Variants in HS3ST4 observed in about 807,000 individuals in gnomAD.
The protein encoded by HS3ST4 is heparan sulfate-glucosamine 3-sulfotransferase 4.
In HS3ST4, 17 loss-of-function variants were observed where a neutral mutation model predicts 29.2. That is an observed-to-expected ratio of 0.58 (90% confidence interval 0.40 to 0.87). The LOEUF (loss-of-function observed/expected upper bound fraction) is 0.87, where lower values mean the gene tolerates loss of function less well. HS3ST4 is among the 40% of genes least tolerant of loss of function. The pLI, the probability that HS3ST4 is intolerant of heterozygous loss-of-function variation, is 0.00. For missense variants in HS3ST4, 627 were observed against 634.5 expected, an observed-to-expected ratio of 0.99 and a Z score of 0.13; for synonymous variants, 314 against 285.7, an observed-to-expected ratio of 1.10 and a Z score of -1.00.
intron 1 of HS3ST4, among the ~76,000 whole-genome samples, chr16:26,042,804 G>C (rs184271023): frequency 6.6e-6 from 1 of 152,196 alleles, no homozygotes; most frequent in Admixed American, 6.5e-5. Context: ...CCTCAGGAAT[G>C]ACTCTTCTCT....
At chr16:25,737,988 T>G (rs2141596396) in intron 1 of HS3ST4, among the ~76,000 whole-genome samples, 1 of 147,526 alleles carries the variant, frequency 6.8e-6, no homozygotes, top group African/African-American at 2.5e-5. Context: ...CACTGCAACC[T>G]CCGCCTCCTG....
intron 1 of HS3ST4, among the ~76,000 whole-genome samples, chr16:26,020,276 T>C (rs138945438): frequency 1.3e-5 from 2 of 152,262 alleles, no homozygotes; most frequent in East Asian, 3.9e-4. Flanking sequence ...AAGGTAAATG[T>C]GCAAAAAGGA....
At chr16:25,885,544 G>T (rs1967940437) in intron 1 of HS3ST4, among the ~76,000 whole-genome samples, 1 of 152,070 alleles carries the variant, frequency 6.6e-6, no homozygotes, top group Non-Finnish European at 1.5e-5. Context: ...GGGTCTTAAG[G>T]TATAGCTACT....
intron 1 of HS3ST4, among the ~76,000 whole-genome samples, chr16:26,105,765 G>T (rs866363958): frequency 3.3e-5 from 5 of 152,244 alleles, no homozygotes; most frequent in Non-Finnish European, 7.3e-5. Flanking sequence ...CCCCCATGGG[G>T]CTTGCTTTCT....
chr16:25,952,437 G>A lies in HS3ST4; in HGVS notation c.735-183175G>A, dbSNP rs547736111. Among the ~76,000 whole-genome samples the A allele has an allele frequency of 6.6e-5, 10 of 152,238 alleles. No homozygotes were observed. The East Asian group carries it at 1.9e-3, about 29-fold the overall frequency. On this transcript the variant is annotated intron_variant, in intron 1 of 1. Coordinates refer to ENST00000331351, the MANE Select transcript of HS3ST4 (RefSeq NM_006040.3). ...GCCACAGGTAGGCAACTCCATCAGG[G>A]GGATTCAAGCATCTGATTGGACAAG... is the stretch of plus-strand genomic sequence containing the variant.
At chr16:26,052,363 C>A (rs1256041709) in intron 1 of HS3ST4, among the ~76,000 whole-genome samples, 1 of 152,044 alleles carries the variant, frequency 6.6e-6, no homozygotes, top group Non-Finnish European at 1.5e-5. Context: ...ATTCTTATTA[C>A]TTCTTAATTA....
In HS3ST4 at chr16:26,116,434, T is replaced by C. The variant is rs142742782; in HGVS notation, c.735-19178T>C. On this transcript the variant is annotated intron_variant, in intron 1 of 1. Transcript: ENST00000331351. ...GGGAGAAGGTTATGCAAGGACATAG[T>C]ACCAGGAGGTGGGGAGTCATATTAG... Among the ~76,000 whole-genome samples, 3 of 152,322 alleles carry C rather than the reference T, an allele frequency of 2.0e-5. No individual in the cohort carries two copies. In the East Asian group the frequency reaches 5.8e-4, roughly 29 times the overall value.
chr16:25,810,570 T>C (rs1356232777), intron 1 of HS3ST4, among the ~76,000 whole-genome samples: 1 of 152,202 alleles, frequency 6.6e-6, no homozygotes, highest in Non-Finnish European at 1.5e-5. Flanking sequence ...CCCCAGTTTC[T>C]CCTTTCAGCA....
At chr16:25,876,742 G>C (rs1334651459) in intron 1 of HS3ST4, among the ~76,000 whole-genome samples, 1 of 152,020 alleles carries the variant, frequency 6.6e-6, no homozygotes, top group African/African-American at 2.4e-5. Context: ...TGAACCCTGG[G>C]CTGGAGACTA....
chr16:25,775,291 C>T (rs1359662707), intron 1 of HS3ST4, among the ~76,000 whole-genome samples: 2 of 152,170 alleles, frequency 1.3e-5, no homozygotes, highest in Non-Finnish European at 2.9e-5. Flanking sequence ...GCAGGATGAG[C>T]AGCTGTTGCC....
chr16:25,880,195 G>A (rs890022613), intron 1 of HS3ST4, among the ~76,000 whole-genome samples: 2 of 152,104 alleles, frequency 1.3e-5, no homozygotes, highest in Non-Finnish European at 2.9e-5. Context: ...CTTTATATTA[G>A]TCAGTAGGTT....
chr16:25,692,514 C>T lies in HS3ST4; in HGVS notation c.97C>T (p.Arg33Cys). 1 of 1,423,084 alleles carries T rather than the reference C, an allele frequency of 7.0e-7. No individual in the cohort carries two copies. Among genetic ancestry groups the T allele is most frequent in the Non-Finnish European group, 9.3e-7 (1 of 1,076,278 alleles). The allele number at this position is 1,423,084 out of a possible 1,614,324, so 88.2% of individuals were successfully genotyped here. Residue 33 changes from arginine (R) to cysteine (C), a missense_variant, in exon 1 of 2, where the codon CGC (arginine) becomes TGC (cysteine). Around this residue, in one of 2 missense-constraint regions of HS3ST4, gnomAD observed 402 missense variants for 340.8 expected, o/e 1.18. Transcript: ENST00000331351. Reference protein sequence around the residue: ...PGASAKGPPARKLLFMCTLSL... With the variant: ...PGASAKGPPACKLLFMCTLSL... ...CGCCTCTGCTAAGGGGCCGCCGGCG[C>T]GCAAGCTGCTTTTTATGTGCACCTT...
chr16:26,065,580 G>A (rs970127953), intron 1 of HS3ST4, among the ~76,000 whole-genome samples: 4 of 151,882 alleles, frequency 2.6e-5, no homozygotes, highest in African/African-American at 9.7e-5. Flanking sequence ...CATAACACAT[G>A]TTTACCTTTG....
intron 1 of HS3ST4, among the ~76,000 whole-genome samples, chr16:25,785,250 A>G (rs1431983910): frequency 6.6e-6 from 1 of 152,248 alleles, no homozygotes; most frequent in Non-Finnish European, 1.5e-5. Flanking sequence ...ATGTGTGTTA[A>G]CACAATATCC....
At chr16:25,935,887 TCAAAAAAGTATACTG>T (rs1225280936) in intron 1 of HS3ST4, among the ~76,000 whole-genome samples, 1 of 151,826 alleles carries the variant, frequency 6.6e-6, no homozygotes, top group African/African-American at 2.4e-5. Context: ...TTTCTGGGAC[TCAAAAAAGTATACTG>T]AGATACTAGA....
chr16:26,124,430 G>T (rs1899316255), intron 1 of HS3ST4, among the ~76,000 whole-genome samples: 1 of 151,970 alleles, frequency 6.6e-6, no homozygotes, highest in Non-Finnish European at 1.5e-5. Flanking sequence ...ATTGTATATA[G>T]TTCTGATATA....
intron 1 of HS3ST4, among the ~76,000 whole-genome samples, chr16:26,036,020 T>C (rs1969579637): frequency 6.6e-6 from 1 of 152,190 alleles, no homozygotes; most frequent in African/African-American, 2.4e-5. Context: ...AAAGTCTCTC[T>C]CTCCAAGAGA....
At chr16:25,853,067 T>C (rs1183670319) in intron 1 of HS3ST4, among the ~76,000 whole-genome samples, 1 of 152,170 alleles carries the variant, frequency 6.6e-6, no homozygotes, top group African/African-American at 2.4e-5. Flanking sequence ...TAACCTGTTT[T>C]CCCCAGCGTT....
chr16:25,767,946 G>A lies in HS3ST4; in HGVS notation c.734+74795G>A, dbSNP rs1312932165. 3.3e-5 allele frequency among the ~76,000 whole-genome samples: 5 copies of A among 152,202 alleles called. No individual in the cohort carries two copies. The South Asian group carries it at 6.2e-4, about 19-fold the overall frequency. The stretch of plus-strand genomic sequence containing the variant: ...CCCTGGCACTGTGCCACCCCTAAGG[G>A]TGGGTACATGAACGAGTAGAGTCAC... On this transcript the variant is annotated intron_variant, in intron 1 of 1. Transcript: ENST00000331351.
Sources: allele counts gnomAD v4.1 joint callset (sites outside exome capture counted in the v4.1 genomes callset), GRCh38; gene constraint gnomAD v4.1.1; regional missense constraint gnomAD v4.1.1; transcripts MANE v1.5; gene names NCBI Gene and HGNC (gene_info 2026-07-23, HGNC 2026-07-21).